Variants in EYS observed in about 807,000 individuals in gnomAD.
The protein encoded by EYS is protein eyes shut homolog.
In EYS, 250 loss-of-function variants were observed where a neutral mutation model predicts 282.1. The ratio of observed to expected loss-of-function variants is 0.89; its 90% CI spans 0.80 to 0.98. The LOEUF (loss-of-function observed/expected upper bound fraction) is 0.98, where lower values mean the gene tolerates loss of function less well. Ranked by LOEUF, EYS falls within the 50% of genes least tolerant of loss-of-function variation. The pLI is 0.00. For synonymous variants in EYS, 1,355 were observed against 1,282.9 expected (o/e 1.06, Z -1.20); for missense variants, 4,016 against 3,709.0 (o/e 1.08, Z -2.15).
At chr6:64,373,847 G>A (rs907647053) in intron 29 of EYS, among the ~76,000 whole-genome samples, 3 of 152,090 alleles carry the variant, frequency 2.0e-5, no homozygotes, top group African/African-American at 7.2e-5. Context: ...GGTGGGTCAT[G>A]CACCCTGCTT....
At chr6:64,149,025 C>T (rs1337328105) in intron 31 of EYS, among the ~76,000 whole-genome samples, 1 of 152,100 alleles carries the variant, frequency 6.6e-6, no homozygotes, top group Non-Finnish European at 1.5e-5. Context: ...ATAAGTCATA[C>T]CCCACACACT....
chr6:63,949,731 A>T (rs1479670668), intron 35 of EYS, among the ~76,000 whole-genome samples: 1 of 152,206 alleles, frequency 6.6e-6, no homozygotes, highest in Non-Finnish European at 1.5e-5. Flanking sequence ...TAATAAACTA[A>T]CAAATATGGA....
chr6:64,571,654 A>G (rs1017402492), intron 26 of EYS, among the ~76,000 whole-genome samples: 1 of 152,242 alleles, frequency 6.6e-6, no homozygotes, highest in South Asian at 2.1e-4. Context: ...AAACGTCTCT[A>G]TGCAAATAAA....
intron 33 of EYS, among the ~76,000 whole-genome samples, chr6:64,023,387 G>T (rs1163216036): frequency 6.6e-6 from 1 of 152,202 alleles, no homozygotes; most frequent in Non-Finnish European, 1.5e-5. Flanking sequence ...GGGTCATATA[G>T]TAAATACGTG....
At chr6:64,181,524 A>G (rs1764787629) in intron 31 of EYS, among the ~76,000 whole-genome samples, 1 of 152,124 alleles carries the variant, frequency 6.6e-6, no homozygotes, top group Non-Finnish European at 1.5e-5. Context: ...CACAATGAAT[A>G]TTAACTTTTC....
At chr6:64,802,610 T>C (rs1278409307) in intron 22 of EYS, among the ~76,000 whole-genome samples, 1 of 152,220 alleles carries the variant, frequency 6.6e-6, no homozygotes, top group Non-Finnish European at 1.5e-5. Context: ...ATTTTCACAC[T>C]ACTAATTTAC....
chr6:65,029,779 T>C (rs888840225), intron 13 of EYS, among the ~76,000 whole-genome samples: 2 of 152,110 alleles, frequency 1.3e-5, no homozygotes, highest in African/African-American at 4.8e-5. Flanking sequence ...TGAGGATCTT[T>C]GGAAGAAAGG....
chr6:64,904,929 TG>T (rs1297489692), intron 16 of EYS, among the ~76,000 whole-genome samples: 1 of 152,138 alleles, frequency 6.6e-6, no homozygotes, highest in Admixed American at 6.6e-5. Flanking sequence ...CAGCAGACAT[TG>T]GGAGAAAACA....
intron 5 of EYS, among the ~76,000 whole-genome samples, chr6:65,439,131 T>G (rs906751926): frequency 1.3e-5 from 2 of 152,210 alleles, no homozygotes; most frequent in African/African-American, 4.8e-5. Context: ...CCATTTCTTG[T>G]TTTTGTCAGG....
intron 31 of EYS, among the ~76,000 whole-genome samples, chr6:64,095,731 A>T (rs1460883894): frequency 1.3e-5 from 2 of 152,176 alleles, no homozygotes. Flanking sequence ...GTGTCTTTTA[A>T]TTGGAGCATT....
At chr6:63,960,321 T>G (rs1766003326) in intron 35 of EYS, among the ~76,000 whole-genome samples, 1 of 152,212 alleles carries the variant, frequency 6.6e-6, no homozygotes, top group South Asian at 2.1e-4. Flanking sequence ...AGCCTGAAGA[T>G]ACGACTGAAT....
chr6:65,138,286 T>C (rs1776078223), intron 12 of EYS, among the ~76,000 whole-genome samples: 1 of 152,118 alleles, frequency 6.6e-6, no homozygotes, highest in South Asian at 2.1e-4. Context: ...AATGATAATA[T>C]AGAATGTAAC....
chr6:65,092,113 T>C (rs1007373522), intron 12 of EYS, among the ~76,000 whole-genome samples: 12 of 152,126 alleles, frequency 7.9e-5, no homozygotes, highest in Non-Finnish European at 1.8e-4. Flanking sequence ...TACATTAGAA[T>C]ATAAAAATAC....
Position 64,494,374 on chromosome 6 carries a change from T to A in EYS, c.5645-55022A>T, listed in dbSNP as rs747059640. 4.0e-5 allele frequency among the ~76,000 whole-genome samples: 6 copies of A among 151,656 alleles called. No individual in the cohort carries two copies. The South Asian group carries it at 6.2e-4, about 16-fold the overall frequency. On this transcript the variant is annotated intron_variant, in intron 26 of 42. Transcript: ENST00000503581. ...TATTCTCAGACTTTCACCACCTACTTTCTCTGAGGCATCTTTCCTGATTTT... is the reference window on the plus strand; with the variant it reads ...TATTCTCAGACTTTCACCACCTACTATCTCTGAGGCATCTTTCCTGATTTT...
chr6:65,699,346 CTAAT>C (rs1481932064), intron 1 of EYS, among the ~76,000 whole-genome samples: 1 of 151,692 alleles, frequency 6.6e-6, no homozygotes, highest in Non-Finnish European at 1.5e-5. Context: ...AAAATTGAAA[CTAAT>C]TATGAATTTC....
At chr6:64,906,002 C>G (rs1767815469) in intron 16 of EYS, among the ~76,000 whole-genome samples, 1 of 151,086 alleles carries the variant, frequency 6.6e-6, no homozygotes, top group South Asian at 2.1e-4. Context: ...TCTATTTATT[C>G]TTAATTAAAT....
At chr6:64,784,111 T>G (rs1773944634) in intron 22 of EYS, among the ~76,000 whole-genome samples, 1 of 152,098 alleles carries the variant, frequency 6.6e-6, no homozygotes, top group Non-Finnish European at 1.5e-5. Context: ...CTTAAGTTAT[T>G]TTTATAATTC....
rs1769087651 is a variant in EYS at position 63,741,995 on chromosome 6, G to A, written c.8072-15315C>T. Reference sequence around the variant, plus strand: ...TAAGTGCTAAGAAGACAAGAGAAGGGTCTTTTTTGTCTGCTGCTATTTGTG... The same window carrying A: ...TAAGTGCTAAGAAGACAAGAGAAGGATCTTTTTTGTCTGCTGCTATTTGTG... On this transcript the variant is annotated intron_variant, in intron 41 of 42. Transcript: ENST00000503581. 3.1e-5 allele frequency: 22 copies of A among 701,734 alleles called. No individual in the cohort carries two copies. The East Asian group carries it at 5.6e-4, about 18-fold the overall frequency. 43.5% of individuals were successfully genotyped at this position (701,734 alleles called of 1,614,324 possible).
At chr6:65,237,014 T>C (rs1426500432) in intron 12 of EYS, among the ~76,000 whole-genome samples, 1 of 152,208 alleles carries the variant, frequency 6.6e-6, no homozygotes, top group Non-Finnish European at 1.5e-5. Flanking sequence ...CAATTTTGTT[T>C]ATGCTCTTTT....
Sources: gnomAD v4.1 joint callset for allele counts (sites outside exome capture counted in the v4.1 genomes callset) on GRCh38, gnomAD v4.1.1 for gene constraint, MANE v1.5 for transcripts, NCBI Gene and HGNC (gene_info 2026-07-23, HGNC 2026-07-21) for gene names.